Variants in CADM2 observed in about 807,000 individuals in gnomAD.
The protein encoded by CADM2 is cell adhesion molecule 2.
CADM2 carries 12 observed loss-of-function variants against 49.8 expected under a neutral mutation model. The ratio of observed to expected loss-of-function variants is 0.24; its 90% CI spans 0.15 to 0.39. The LOEUF (loss-of-function observed/expected upper bound fraction) is 0.39, where lower values mean the gene tolerates loss of function less well. Ranked by LOEUF, CADM2 falls within the 10% of genes least tolerant of loss-of-function variation. The probability of loss-of-function intolerance (pLI) is 1.00; values close to 1 mark genes in which losing one functional copy is unlikely to be tolerated. For missense variants in CADM2, 378 were observed against 492.3 expected (o/e 0.77, Z 2.20); for synonymous variants, 214 against 175.4 (o/e 1.22, Z -1.74).
chr3:85,245,436 C>T (rs1028229668), intron 1 of CADM2, among the ~76,000 whole-genome samples: 3 of 151,358 alleles, frequency 2.0e-5, no homozygotes, highest in Admixed American at 6.6e-5. Flanking sequence ...GGCGGGAACC[C>T]GGGAGGCGAA....
intron 3 of CADM2, among the ~76,000 whole-genome samples, chr3:85,852,367 A>G (rs542927253): frequency 2.6e-5 from 4 of 152,202 alleles, no homozygotes; most frequent in Admixed American, 2.6e-4. Context: ...TCTCTCCAGA[A>G]GACTGATAGC....
chr3:85,395,096 G>T (rs1193086730), intron 1 of CADM2, among the ~76,000 whole-genome samples: 1 of 151,372 alleles, frequency 6.6e-6, no homozygotes, highest in African/African-American at 2.4e-5. Flanking sequence ...GCACGCCTGG[G>T]ATACATAGGG....
At chr3:85,608,297 T>C (rs1282944566) in intron 1 of CADM2, among the ~76,000 whole-genome samples, 1 of 152,190 alleles carries the variant, frequency 6.6e-6, no homozygotes, top group African/African-American at 2.4e-5. Context: ...GAATATTCTC[T>C]TAAATAGGGC....
chr3:85,683,092 G>GA (rs781139905), intron 1 of CADM2, among the ~76,000 whole-genome samples: 2 of 151,774 alleles, frequency 1.3e-5, no homozygotes, highest in East Asian at 1.9e-4. Context: ...GAAATAAAAT[G>GA]AAAAAAATAA....
intron 1 of CADM2, among the ~76,000 whole-genome samples, chr3:85,105,030 A>G (rs190711053): frequency 6.6e-6 from 1 of 152,214 alleles, no homozygotes; most frequent in African/African-American, 2.4e-5. Context: ...GGACAATTTG[A>G]CTTCCTCTTT....
intron 1 of CADM2, among the ~76,000 whole-genome samples, chr3:85,258,431 T>G (rs1371959516): frequency 1.3e-5 from 2 of 151,928 alleles, no homozygotes; most frequent in Non-Finnish European, 2.9e-5. Context: ...AAGAGTCCAG[T>G]TCACACCTTT....
chr3:85,634,095 G>A (rs2064389441), intron 1 of CADM2, among the ~76,000 whole-genome samples: 1 of 151,958 alleles, frequency 6.6e-6, no homozygotes, highest in Admixed American at 6.6e-5. Flanking sequence ...TGCTCATAGG[G>A]CCTTTTTTGG....
Position 84,962,087 on chromosome 3 carries a change from G to A in CADM2, c.61+2419G>A, listed in dbSNP as rs2030578365. On this transcript the variant is annotated intron_variant, in intron 1 of 9. Coordinates refer to ENST00000383699, the MANE Select transcript of CADM2 (RefSeq NM_001167675.2). ...CGGGGGGTGCGGGGAAGGGGTGTGA[G>A]TATAGCCGAGAAAATGCACCACTGC... 3.3e-5 allele frequency among the ~76,000 whole-genome samples: 5 copies of A among 151,800 alleles called. No individual in the cohort carries two copies. In the South Asian group the frequency reaches 1.0e-3, roughly 32 times the overall value.
chr3:85,486,638 C>A (rs145705342), intron 1 of CADM2, among the ~76,000 whole-genome samples: 1 of 152,116 alleles, frequency 6.6e-6, no homozygotes, highest in Admixed American at 6.5e-5. Context: ...CCAATGGATT[C>A]TATTATAAAG....
chr3:85,138,563 G>A (rs982328562), intron 1 of CADM2, among the ~76,000 whole-genome samples: 20 of 152,128 alleles, frequency 1.3e-4, no homozygotes, highest in South Asian at 6.2e-4. Flanking sequence ...TATGATGTAG[G>A]ATGCAATTTA....
At chr3:85,783,261 G>A (rs781234724) in intron 2 of CADM2, among the ~76,000 whole-genome samples, 1 of 152,060 alleles carries the variant, frequency 6.6e-6, no homozygotes, top group Non-Finnish European at 1.5e-5. Flanking sequence ...ATAAGATTTG[G>A]TTAAATGAAG....
chr3:85,051,826 G>T (rs1174793735), intron 1 of CADM2, among the ~76,000 whole-genome samples: 1 of 152,076 alleles, frequency 6.6e-6, no homozygotes, highest in African/African-American at 2.4e-5. Flanking sequence ...ACGGGGCATT[G>T]GGCCTGGGGG....
chr3:86,042,263 C>A (rs1163729384), intron 8 of CADM2, among the ~76,000 whole-genome samples: 4 of 151,986 alleles, frequency 2.6e-5, no homozygotes, highest in South Asian at 2.1e-4. Flanking sequence ...ACACAAAAAA[C>A]CCTTCAAAAA....
chr3:85,558,031 C>T (rs532166509), intron 1 of CADM2, among the ~76,000 whole-genome samples: 1 of 152,102 alleles, frequency 6.6e-6, no homozygotes, highest in African/African-American at 2.4e-5. Flanking sequence ...CTCCTTTTTA[C>T]TTGTCTTCCT....
intron 1 of CADM2, among the ~76,000 whole-genome samples, chr3:85,563,411 T>TTTGGGGG (rs1553742867): frequency 7.0e-6 from 1 of 142,044 alleles, no homozygotes; most frequent in Non-Finnish European, 1.6e-5. Context: ...TGTGTGTGTG[T>TTTGGGGG]GGGGGGGTGG....
At chr3:85,669,626 G>A (rs941746405) in intron 1 of CADM2, among the ~76,000 whole-genome samples, 45 of 152,056 alleles carry the variant, frequency 3.0e-4, no homozygotes, top group Admixed American at 2.6e-3. Flanking sequence ...AAACAGAAAT[G>A]CCTATAATCA....
At chr3:85,989,735 G>A (rs946084425) in intron 8 of CADM2, among the ~76,000 whole-genome samples, 5 of 152,000 alleles carry the variant, frequency 3.3e-5, no homozygotes, top group African/African-American at 1.2e-4. Flanking sequence ...ACTAGTGGCT[G>A]GGCGCGGTGG....
rs142521511 is a variant in CADM2 at position 85,791,023 on chromosome 3, G to A, written c.89-11024G>A. Among the ~76,000 whole-genome samples the A allele has an allele frequency of 1.4e-3, 211 of 152,230 alleles. 1 individual carries two copies. The highest frequency in any genetic ancestry group is 6.5e-3 in the Admixed American group (99 of 15,278). On this transcript the variant is annotated intron_variant, in intron 2 of 9. Transcript: ENST00000383699. ...AAATAAAATATTATGTGGTTGCCTA[G>A]GACAGCAGACAACTTAAAGTCTTTC...
At chr3:85,820,437 C>T (rs1056186326) in intron 3 of CADM2, among the ~76,000 whole-genome samples, 2 of 152,034 alleles carry the variant, frequency 1.3e-5, no homozygotes, top group Non-Finnish European at 2.9e-5. Context: ...TGGTTTGGAT[C>T]AGAGTTAGCA....
Sources: allele counts gnomAD v4.1 joint callset (sites outside exome capture counted in the v4.1 genomes callset), GRCh38; gene constraint gnomAD v4.1.1; transcripts MANE v1.5; gene names NCBI Gene and HGNC (gene_info 2026-07-23, HGNC 2026-07-21).